The following SHLD1 variants were observed in gnomAD, a reference collection of about 807,000 sequenced individuals.
SHLD1 encodes the protein RINN1-REV7-interacting novel NHEJ regulator 3.
A neutral mutation model predicts 5.5 loss-of-function variants in SHLD1; 3 were observed. The ratio of observed to expected loss-of-function variants is 0.54; its 90% CI spans 0.25 to 1.40. The LOEUF (loss-of-function observed/expected upper bound fraction) is 1.40. Among genes scored for constraint, SHLD1 ranks in the 40% most tolerant of loss-of-function variants. The probability of loss-of-function intolerance (pLI) is 0.15; values close to 1 mark genes in which losing one functional copy is unlikely to be tolerated. For missense variants in SHLD1, 210 were observed against 244.4 expected, an observed-to-expected ratio of 0.86 and a Z score of 0.94; for synonymous variants, 92 against 94.3, an observed-to-expected ratio of 0.98 and a Z score of 0.14.
chr20:5,758,387 A>T (rs1392965377), intron 1 of SHLD1, among the ~76,000 whole-genome samples: 1 of 145,476 alleles, frequency 6.9e-6, no homozygotes, highest in Non-Finnish European at 1.5e-5. Context: ...AAGGAAGGGA[A>T]GGAAGTGAGC....
In SHLD1 at chr20:5,783,348, C is replaced by T. The variant is rs2087012562; in HGVS notation, c.178+10305C>T. 4.6e-5 allele frequency among the ~76,000 whole-genome samples: 7 copies of T among 152,140 alleles called. No homozygotes were observed. In the South Asian group the frequency reaches 1.4e-3, roughly 31 times the overall value. On this transcript the variant is annotated intron_variant, in intron 2 of 2. Transcript: ENST00000303142. ...CAAGGATTCTCCTGCCTCAGCCTCCCGAGTAGCTGGCACTACAGGAGCCCG... is the reference window on the plus strand; with the variant it reads ...CAAGGATTCTCCTGCCTCAGCCTCCTGAGTAGCTGGCACTACAGGAGCCCG...
intron 2 of SHLD1, among the ~76,000 whole-genome samples, chr20:5,809,519 A>C (rs1167517898): frequency 1.3e-5 from 2 of 152,046 alleles, no homozygotes; most frequent in Non-Finnish European, 2.9e-5. Flanking sequence ...TCTGCCACCA[A>C]AAACAACCAA....
chr20:5,762,059 C>G (rs925717643), intron 1 of SHLD1, among the ~76,000 whole-genome samples: 6 of 151,258 alleles, frequency 4.0e-5, no homozygotes, highest in Non-Finnish European at 7.4e-5. Flanking sequence ...CAAGACCAGC[C>G]TGACCAACAT....
At chr20:5,788,420 A>G (rs1412245110) in intron 2 of SHLD1, among the ~76,000 whole-genome samples, 1 of 152,220 alleles carries the variant, frequency 6.6e-6, no homozygotes, top group Non-Finnish European at 1.5e-5. Flanking sequence ...AGTTTGAGGA[A>G]AAATGGTTAA....
At chr20:5,834,833 C>T (rs182923) in intron 2 of SHLD1, among the ~76,000 whole-genome samples, 34,297 of 152,046 alleles carry the variant, frequency 0.23, 4,130 homozygotes, top group African/African-American at 0.29. Context: ...TGGTGAAGAC[C>T]ACTTCCTGGT....
chr20:5,783,501 G>T (rs1053806460), intron 2 of SHLD1, among the ~76,000 whole-genome samples: 1 of 152,140 alleles, frequency 6.6e-6, no homozygotes, highest in Non-Finnish European at 1.5e-5. Context: ...TGGGATTATA[G>T]GCGAGAGCCA....
At chr20:5,845,006 C>T (rs1031494047) in intron 2 of SHLD1, among the ~76,000 whole-genome samples, 4 of 151,694 alleles carry the variant, frequency 2.6e-5, no homozygotes, top group Non-Finnish European at 4.4e-5. Context: ...CCACGTTGGC[C>T]AGGCTGGTCT....
chr20:5,819,635 A>T (rs2087582052), intron 2 of SHLD1, among the ~76,000 whole-genome samples: 1 of 152,206 alleles, frequency 6.6e-6, no homozygotes, highest in Non-Finnish European at 1.5e-5. Flanking sequence ...CAGCCTGGGC[A>T]ACACAGCAAG....
intron 2 of SHLD1, among the ~76,000 whole-genome samples, chr20:5,824,469 G>C (rs1224647101): frequency 6.6e-6 from 1 of 152,186 alleles, no homozygotes; most frequent in African/African-American, 2.4e-5. Flanking sequence ...GCTCCACAGA[G>C]CAAGTAGCTT....
chr20:5,846,467 C>G (rs924031467), intron 2 of SHLD1, among the ~76,000 whole-genome samples: 2 of 152,230 alleles, frequency 1.3e-5, no homozygotes, highest in Non-Finnish European at 2.9e-5. Context: ...GCCATAGCAA[C>G]CAAGATCCAA....
At chr20:5,775,779 A>G (rs1012439222) in intron 2 of SHLD1, among the ~76,000 whole-genome samples, 2 of 152,092 alleles carry the variant, frequency 1.3e-5, no homozygotes, top group Non-Finnish European at 2.9e-5. Context: ...AGATGATAAC[A>G]GCACCTCCTT....
intron 2 of SHLD1, among the ~76,000 whole-genome samples, chr20:5,834,705 A>G (rs1306014694): frequency 6.6e-6 from 1 of 152,170 alleles, no homozygotes; most frequent in African/African-American, 2.4e-5. Flanking sequence ...GTCTTAGTCT[A>G]TTTGGGCTTC....
intron 1 of SHLD1, among the ~76,000 whole-genome samples, chr20:5,758,829 T>A (rs1984287500): frequency 6.6e-6 from 1 of 151,706 alleles, no homozygotes; most frequent in African/African-American, 2.4e-5. Flanking sequence ...TACCTGCAAG[T>A]TATGAGTTGA....
At chr20:5,810,887 CA>C (rs10627373) in intron 2 of SHLD1, among the ~76,000 whole-genome samples, 2,910 of 120,830 alleles carry the variant, frequency 0.024, 44 homozygotes, top group Non-Finnish European at 0.036. Context: ...GACTCTGTCT[CA>C]AAAAAAAAAA....
intron 2 of SHLD1, among the ~76,000 whole-genome samples, chr20:5,817,289 G>A (rs906590373): frequency 1.1e-4 from 17 of 151,812 alleles, no homozygotes; most frequent in Admixed American, 1.1e-3. Context: ...TCTGTATTTT[G>A]CTGCCTTTTT....
intron 2 of SHLD1, among the ~76,000 whole-genome samples, chr20:5,858,617 T>A (rs2088120346): frequency 6.6e-6 from 1 of 152,208 alleles, no homozygotes; most frequent in South Asian, 2.1e-4. Flanking sequence ...GCAAATCACT[T>A]GAGGCCAGGA....
intron 2 of SHLD1, among the ~76,000 whole-genome samples, chr20:5,836,926 A>C (rs1318805026): frequency 1.3e-5 from 2 of 152,234 alleles, no homozygotes; most frequent in Non-Finnish European, 2.9e-5. Flanking sequence ...ACAAGGATGG[A>C]GCAGGAGAAA....
chr20:5,783,917 C>T (rs776984675), intron 2 of SHLD1, among the ~76,000 whole-genome samples: 15 of 151,982 alleles, frequency 9.9e-5, no homozygotes, highest in African/African-American at 1.4e-4. Flanking sequence ...TTTGGGAGGC[C>T]GAGGCTGGTG....
At chr20:5,854,069 G>A (rs1600182202) in intron 2 of SHLD1, among the ~76,000 whole-genome samples, 1 of 150,624 alleles carries the variant, frequency 6.6e-6, no homozygotes, top group Non-Finnish European at 1.5e-5. Flanking sequence ...GCAATGGTGT[G>A]ATCTCAGCTC....
Sources: gnomAD v4.1 joint callset for allele counts (sites outside exome capture counted in the v4.1 genomes callset) on GRCh38, gnomAD v4.1.1 for gene constraint, MANE v1.5 for transcripts, NCBI Gene and HGNC (gene_info 2026-07-23, HGNC 2026-07-21) for gene names.